The following STX5 variants were observed in gnomAD, a reference collection of about 807,000 sequenced individuals.
STX5 encodes the protein syntaxin 5.
A neutral mutation model predicts 42.9 loss-of-function variants in STX5; 15 were observed. The observed-to-expected ratio is 0.35, with a 90% CI of 0.23 to 0.54. The LOEUF is 0.54. Among genes scored for constraint, STX5 ranks in the 20% least tolerant of loss-of-function variants. The pLI is 0.91. For synonymous variants in STX5, 184 were observed against 173.2 expected (o/e 1.06, Z -0.49); for missense variants, 430 against 455.0 (o/e 0.95, Z 0.50).
At chr11:62,818,264 A>AC (rs398016319) in intron 10 of STX5, among the ~76,000 whole-genome samples, 1 of 150,250 alleles carries the variant, frequency 6.7e-6, no homozygotes, top group East Asian at 1.9e-4. Flanking sequence ...AAAAAAAAAA[A>AC]GACATGATAG....
At chr11:62,829,979 C>T (rs1327280834) in intron 2 of STX5, among the ~76,000 whole-genome samples, 1 of 150,054 alleles carries the variant, frequency 6.7e-6, no homozygotes, top group Admixed American at 6.7e-5. Flanking sequence ...GCAGGAGAAT[C>T]GCTTGAACCC....
chr11:62,823,370 C>A (rs2084760971), intron 10 of STX5, among the ~76,000 whole-genome samples: 1 of 151,758 alleles, frequency 6.6e-6, no homozygotes, highest in African/African-American at 2.4e-5. Flanking sequence ...GATGGGGTTT[C>A]ACCATGTTGC....
chr11:62,809,799 T>C (rs1163122795), intron 10 of STX5, among the ~76,000 whole-genome samples: 1 of 149,564 alleles, frequency 6.7e-6, no homozygotes, highest in African/African-American at 2.5e-5. Context: ...TTTCAAATAA[T>C]TCGGCAAAAG....
intron 10 of STX5, among the ~76,000 whole-genome samples, chr11:62,821,110 C>T (rs1333134658): frequency 1.3e-5 from 2 of 151,500 alleles, no homozygotes; most frequent in Non-Finnish European, 1.5e-5. Flanking sequence ...GAAATCGAGA[C>T]CATCCTGGCC....
chr11:62,824,516 G>A lies in STX5; in HGVS notation c.729C>T (p.Val243=), dbSNP rs779812446. 5.6e-6 allele frequency: 9 copies of A among 1,614,038 alleles called. No individual in the cohort carries two copies. The highest frequency in any genetic ancestry group is 2.7e-5 in the African/African-American group (2 of 74,922). Residue 243 remains valine (V), a synonymous_variant, in exon 9 of 11, where the codon GTC becomes GTT. Transcript: ENST00000294179. ...LGAESHASKD[V]AIDMMDSRTS... is the part of the protein sequence containing the mutation. ...TCCGAGAGTCCATCATGTCGATGGC[G>A]ACATCCTTGGAGGCATGGGACTCTG...
intron 10 of STX5, among the ~76,000 whole-genome samples, chr11:62,811,153 TCCTGA>T (rs2084613077): frequency 6.6e-6 from 1 of 152,146 alleles, no homozygotes; most frequent in South Asian, 2.1e-4. Flanking sequence ...GGGGGATCTG[TCCTGA>T]CCTTTTTTTC....
At chr11:62,821,240 G>A (rs1004474116) in intron 10 of STX5, among the ~76,000 whole-genome samples, 60 of 152,014 alleles carry the variant, frequency 3.9e-4, no homozygotes, top group African/African-American at 1.4e-3. Context: ...CCTGGAAGGT[G>A]GAGGCTGCAG....
At chr11:62,812,479 C>T (rs907462413) in intron 10 of STX5, among the ~76,000 whole-genome samples, 1 of 149,898 alleles carries the variant, frequency 6.7e-6, no homozygotes, top group Non-Finnish European at 1.5e-5. Context: ...TGGCGTGTGG[C>T]GTGATCTGGG....
intron 10 of STX5, among the ~76,000 whole-genome samples, chr11:62,823,129 T>C (rs2084757194): frequency 6.6e-6 from 1 of 152,094 alleles, no homozygotes; most frequent in Non-Finnish European, 1.5e-5. Context: ...TGTCATGTCT[T>C]CAGAGCAGCA....
At chr11:62,817,859 G>A (rs1364322121) in intron 10 of STX5, among the ~76,000 whole-genome samples, 4 of 152,098 alleles carry the variant, frequency 2.6e-5, no homozygotes, top group African/African-American at 9.7e-5. Context: ...TATAAGACAT[G>A]TACCTGGAAA....
At position 62,807,236 on chromosome 11, in the gene STX5, A is replaced by C; in HGVS notation, c.*233T>G. 2 of 516,458 alleles carry C rather than the reference A, an allele frequency of 3.9e-6. No individual in the cohort carries two copies. The highest frequency in any genetic ancestry group is 6.5e-6 in the Non-Finnish European group (2 of 308,022). The allele number at this position is 516,458 out of a possible 1,614,324, so 32.0% of individuals were successfully genotyped here. The stretch of plus-strand genomic sequence containing the variant: ...CTCTGCTCCCTTCCAGTCACTTCAC[A>C]GCAGAGTTCAAATCTAGAACCCTGT... On this transcript the variant is annotated 3_prime_UTR_variant, in exon 11 of 11. Transcript: ENST00000294179.
intron 10 of STX5, chr11:62,823,798 C>T (rs377046754): frequency 9.0e-5 from 20 of 222,446 alleles, no homozygotes; most frequent in Non-Finnish European, 1.6e-4. Context: ...CTGCATTGCT[C>T]GGCCTCCCAA....
chr11:62,818,253 A>C (rs1461670386), intron 10 of STX5, among the ~76,000 whole-genome samples: 2 of 150,786 alleles, frequency 1.3e-5, no homozygotes, highest in Non-Finnish European at 3.0e-5. Flanking sequence ...CTCAAAAAAA[A>C]AAAAAAAAAA....
chr11:62,820,384 C>T (rs948349335), intron 10 of STX5, among the ~76,000 whole-genome samples: 11 of 150,498 alleles, frequency 7.3e-5, no homozygotes, highest in Non-Finnish European at 1.5e-4. Flanking sequence ...AAAAAAAGGG[C>T]GGAATCTGGC....
In STX5 at chr11:62,824,222, G is replaced by C. The variant is rs754326886; in HGVS notation, c.852C>G (p.Gly284=). 6.2e-7 allele frequency: 1 copy of C among 1,614,158 alleles called. No homozygotes were observed. Among genetic ancestry groups the C allele is most frequent in the Non-Finnish European group, 8.5e-7 (1 of 1,180,030 alleles). The change falls in exon 10 of 11, where the codon GGC becomes GGG. Residue 284 remains glycine, a synonymous_variant. Transcript: ENST00000294179. ...TGTGTGCCAACTGCTGAAAGATGGA[G>C]CCCAACTCAACAATTGTCGACTCAA... ...QNIESTIVEL[G]SIFQQLAHMV... is the part of the protein sequence containing the mutation.
chr11:62,808,100 C>T (rs774996387), intron 10 of STX5: 3 of 156,982 alleles, frequency 1.9e-5, no homozygotes, highest in Non-Finnish European at 2.8e-5. Flanking sequence ...AAAAGGAAAA[C>T]ATAATGACAC....
Position 62,807,420 on chromosome 11 carries a change from T to A in STX5, c.*49A>T. Reference sequence around the variant, plus strand: ...CAGTGGCAGCACTGGCCACTTGCCTTCCCAGGAGGGTCCCAAACCCCAACA... The same window carrying A: ...CAGTGGCAGCACTGGCCACTTGCCTACCCAGGAGGGTCCCAAACCCCAACA... On this transcript the variant is annotated 3_prime_UTR_variant, in exon 11 of 11. Transcript: ENST00000294179. 6.3e-7 allele frequency: 1 copy of A among 1,598,118 alleles called. No individual in the cohort carries two copies. Among genetic ancestry groups the A allele is most frequent in the Non-Finnish European group, 8.5e-7 (1 of 1,170,616 alleles).
intron 2 of STX5, among the ~76,000 whole-genome samples, chr11:62,830,036 G>C (rs991495094): frequency 2.1e-5 from 3 of 140,444 alleles, no homozygotes; most frequent in Non-Finnish European, 4.5e-5. Flanking sequence ...TTGCACCCCA[G>C]TCTGGGCGAC....
At position 62,823,748 on chromosome 11, in the gene STX5, TG is replaced by T. The variant is rs1185901384; in HGVS notation, c.908+417del. On this transcript the variant is annotated intron_variant, in intron 10 of 10. Transcript: ENST00000294179. Reference sequence around the variant, plus strand: ...TTTTTGTAGAGACAGGGTCTTGCTTTGTTGCCCAAACTGGTCTTGAATTCCT... The same window carrying T: ...TTTTTGTAGAGACAGGGTCTTGCTTTTTGCCCAAACTGGTCTTGAATTCCT... 2.0e-5 allele frequency among the ~76,000 whole-genome samples: 3 copies of T among 152,058 alleles called. No individual in the cohort carries two copies. In the East Asian group the frequency reaches 5.8e-4, roughly 29 times the overall value.
Sources: allele counts gnomAD v4.1 joint callset (sites outside exome capture counted in the v4.1 genomes callset), GRCh38; gene constraint gnomAD v4.1.1; transcripts MANE v1.5; gene names NCBI Gene and HGNC (gene_info 2026-07-23, HGNC 2026-07-21).